GNG13: variants seen among roughly 807,000 people sequenced by gnomAD.
GNG13 encodes guanine nucleotide-binding protein G(I)/G(S)/G(O) subunit gamma-13.
In GNG13, 12 loss-of-function variants were observed where a neutral mutation model predicts 8.2. That is an observed-to-expected ratio of 1.47 (90% CI 0.94 to 2.38). GNG13 has a LOEUF of 2.38. Among genes scored for constraint, GNG13 ranks in the 30% most tolerant of loss-of-function variants. The probability of loss-of-function intolerance (pLI) is 0.00; values close to 1 mark genes in which losing one functional copy is unlikely to be tolerated. For missense variants in GNG13, 100 were observed against 85.2 expected (o/e 1.17, Z -0.68); for synonymous variants, 45 against 33.0 (o/e 1.37, Z -1.25).
At position 800,547 on chromosome 16, in the gene GNG13, C is replaced by A. The variant is rs537280888; in HGVS notation, c.-35+119G>T. 2.0e-5 allele frequency: 3 copies of A among 152,376 alleles called. No homozygotes were observed. The South Asian group carries it at 6.2e-4, about 32-fold the overall frequency. The allele number at this position is 152,376 out of a possible 1,614,324, so 9.4% of individuals were successfully genotyped here. On this transcript the variant is annotated intron_variant, in intron 1 of 2. Coordinates refer to ENST00000248150, the MANE Select transcript of GNG13 (RefSeq NM_016541.3). ...GGCTCGGGTTGGGTTTTGCTGCCTG[C>A]GGGGCAGCTGCCCTCGCCCCGGGAG...
At position 799,253 on chromosome 16, in the gene GNG13, G is replaced by C. The variant is rs531239805; in HGVS notation, c.-34-142C>G. 1.7e-5 allele frequency: 10 copies of C among 604,264 alleles called. 1 individual carries two copies. The allele number at this position is 604,264 out of a possible 1,614,324, so 37.4% of individuals were successfully genotyped here. ...CACTGCCTGGGCCAGTCCCCTAGGC[G>C]TTGCTAGGGTGCAGGGCACAGAGCG... On this transcript the variant is annotated intron_variant, in intron 1 of 2. Coordinates refer to ENST00000248150, the MANE Select transcript of GNG13 (RefSeq NM_016541.3).
intron 1 of GNG13, among the ~76,000 whole-genome samples, chr16:799,398 G>A (rs1228926393): frequency 1.3e-5 from 2 of 152,214 alleles, no homozygotes. Flanking sequence ...CTTGCAGGCA[G>A]GAGAAAGGGT....
At position 798,056 on chromosome 16, in the gene GNG13, A is replaced by G. The variant is rs544143627; in HGVS notation, c.*663T>C. The G allele has an allele frequency of 1.3e-6, 2 of 1,513,796 alleles. No homozygotes were observed. The highest frequency in any genetic ancestry group is 1.8e-6 in the Non-Finnish European group (2 of 1,122,840). The allele number at this position is 1,513,796 out of a possible 1,614,324, so 93.8% of individuals were successfully genotyped here. A position where few individuals can be genotyped will look rare whatever the true frequency, so the allele number is the denominator to read the frequency against. On this transcript the variant is annotated 3_prime_UTR_variant, in exon 3 of 3. Transcript: ENST00000248150. ...AAGCTGGAGATGTCTTTATAAAGTC[A>G]CACCTTTACAGACTGTAATCACGTG...
At chr16:800,329 C>T (rs896295216) in intron 1 of GNG13, among the ~76,000 whole-genome samples, 11 of 152,158 alleles carry the variant, frequency 7.2e-5, no homozygotes, top group East Asian at 1.9e-4. Context: ...GGGGTGTTGG[C>T]GCCCCGCCCA....
chr16:798,113 G>A lies in GNG13; in HGVS notation c.*606C>T, dbSNP rs1333981737. Reference sequence around the variant, plus strand: ...GAGTGGGGTTCACAGGATGGTGGGAGTGGGGCCGGGCGTGGGCTCATAGGA... The same window carrying A: ...GAGTGGGGTTCACAGGATGGTGGGAATGGGGCCGGGCGTGGGCTCATAGGA... On this transcript the variant is annotated 3_prime_UTR_variant, in exon 3 of 3. Coordinates refer to ENST00000248150, the MANE Select transcript of GNG13 (RefSeq NM_016541.3). 4.1e-6 allele frequency: 5 copies of A among 1,213,910 alleles called. No individual in the cohort carries two copies. In the East Asian group the frequency reaches 1.2e-4, roughly 29 times the overall value. The allele number at this position is 1,213,910 out of a possible 1,614,324, so 75.2% of individuals were successfully genotyped here.
intron 1 of GNG13, among the ~76,000 whole-genome samples, chr16:799,628 G>A (rs1219916972): frequency 6.6e-6 from 1 of 152,216 alleles, no homozygotes; most frequent in East Asian, 1.9e-4. Context: ...TGGGGTGTGT[G>A]CTCAGGATCT....
At chr16:800,544 C>T (rs2042437016) in intron 1 of GNG13, 122 bp downstream of exon 1, 1 of 152,288 alleles carries the variant, frequency 6.6e-6, no homozygotes, top group Non-Finnish European at 1.5e-5. Context: ...GTTTTGCTGC[C>T]TGCGGGGCAG....
intron 1 of GNG13, among the ~76,000 whole-genome samples, chr16:800,173 C>G (rs920987590): frequency 1.3e-5 from 2 of 152,146 alleles, no homozygotes; most frequent in Non-Finnish European, 2.9e-5. Context: ...GGGGAGTGAT[C>G]AGGGTCATGC....
rs1037062948 is a variant in GNG13, at chr16:799,244, C to G, written c.-34-133G>C. 6 of 609,290 alleles carry G rather than the reference C, an allele frequency of 9.8e-6. No homozygotes were observed. In the African/African-American group the frequency reaches 1.1e-4, roughly 11 times the overall value. 37.7% of individuals were successfully genotyped at this position (609,290 alleles called of 1,614,324 possible). On this transcript the variant is annotated intron_variant, in intron 1 of 2. Transcript: ENST00000248150. ...AGTCCACACCACTGCCTGGGCCAGT[C>G]CCCTAGGCGTTGCTAGGGTGCAGGG...
chr16:798,865 C>A, intron 2 of GNG13, 41 bp from the exon 3 acceptor site: 1 of 1,419,214 alleles, frequency 7.0e-7, no homozygotes, highest in Non-Finnish European at 9.9e-7. Context: ...GGCACCTGAC[C>A]CCCGAGGGCC....
Position 798,974 on chromosome 16 carries a change from ACTCACTCGGGGATGGTCT to A in GNG13, c.86_98+5del, listed in dbSNP as rs779093736. On this transcript the variant is annotated splice_donor_variant and splice_donor_5th_base_variant and coding_sequence_variant and intron_variant, in exon 2 of 3. Coordinates refer to ENST00000248150, the MANE Select transcript of GNG13 (RefSeq NM_016541.3). LOFTEE classifies it high-confidence loss of function. ...GAGAGGCAAATCAGGCAGGTGGGGC[ACTCACTCGGGGATGGTCT>A]TGGACGCCATCTCCCGCTGGAAGGC... The A allele has an allele frequency of 1.3e-6, 2 of 1,553,490 alleles. No homozygotes were observed.
Position 798,994 on chromosome 16 carries a change from G to A in GNG13, c.84C>T (p.Ser28=). 1 of 1,599,478 alleles carries A rather than the reference G, an allele frequency of 6.3e-7. No individual in the cohort carries two copies. The highest frequency in any genetic ancestry group is 1.7e-5 in the Admixed American group (1 of 60,000). The stretch of plus-strand genomic sequence containing the variant: ...GGGGCACTCACTCGGGGATGGTCTT[G>A]GACGCCATCTCCCGCTGGAAGGCCA... ...YQLAFQREMA[S]KTIPELLKWI... Residue 28 remains serine, a synonymous_variant, in exon 2 of 3, where the codon TCC becomes TCT. Coordinates refer to ENST00000248150, the MANE Select transcript of GNG13 (RefSeq NM_016541.3).
chr16:799,203 A>G (rs1406518060), intron 1 of GNG13, 92 bp from the exon 2 acceptor site: 2 of 669,128 alleles, frequency 3.0e-6, no homozygotes, highest in African/African-American at 1.8e-5. Context: ...TGAACCCCGC[A>G]GGATGAAGCG....
intron 1 of GNG13, among the ~76,000 whole-genome samples, chr16:800,365 T>C (rs1793640897): frequency 6.6e-6 from 1 of 152,118 alleles, no homozygotes; most frequent in Non-Finnish European, 1.5e-5. Flanking sequence ...TGCCCAGCCC[T>C]ACCTTCGCGC....
chr16:799,230 C>T, intron 1 of GNG13, 119 bp from the exon 2 acceptor site: 1 of 625,532 alleles, frequency 1.6e-6, no homozygotes, highest in South Asian at 1.8e-5. Context: ...GTCCACACCA[C>T]TGCCTGGGCC....
chr16:798,905 G>C (rs2042423000), intron 2 of GNG13, 75 bp downstream of exon 2: 1 of 1,352,324 alleles, frequency 7.4e-7, no homozygotes. Context: ...CGGCGGCGGT[G>C]GTCGTGGCTA....
In GNG13 at chr16:798,511, C is replaced by G; in HGVS notation, c.*208G>C. The G allele has an allele frequency of 1.6e-6, 1 of 644,900 alleles. No individual in the cohort carries two copies. The highest frequency in any genetic ancestry group is 2.8e-6 in the Non-Finnish European group (1 of 354,554). 39.9% of individuals were successfully genotyped at this position (644,900 alleles called of 1,614,324 possible). ...TGGAGTGAATGGGGCTGGGCATAGTCTTACAAGATGGAGTGAGTGGGGCCG... is the reference window on the plus strand; with the variant it reads ...TGGAGTGAATGGGGCTGGGCATAGTGTTACAAGATGGAGTGAGTGGGGCCG... On this transcript the variant is annotated 3_prime_UTR_variant, in exon 3 of 3. Transcript: ENST00000248150.
At chr16:800,464 C>T (rs575036992) in intron 1 of GNG13, among the ~76,000 whole-genome samples, 41 of 152,204 alleles carry the variant, frequency 2.7e-4, no homozygotes, top group South Asian at 1.0e-3. Context: ...CGGCGCACGG[C>T]GCTCAGATGG....
chr16:800,465 G>A (rs117784914), intron 1 of GNG13, among the ~76,000 whole-genome samples: 7,878 of 152,268 alleles, frequency 0.052, 297 homozygotes, highest in Non-Finnish European at 0.084. Flanking sequence ...GGCGCACGGC[G>A]CTCAGATGGA....
Sources: allele counts gnomAD v4.1 joint callset (sites outside exome capture counted in the v4.1 genomes callset), GRCh38; gene constraint gnomAD v4.1.1; transcripts MANE v1.5; gene names NCBI Gene and HGNC (gene_info 2026-07-23, HGNC 2026-07-21).